NFKB1: variants seen among roughly 807,000 people sequenced by gnomAD.
NFKB1 encodes nuclear factor kappa B subunit 1, also known as nuclear factor NF-kappa-B p105 subunit.
NFKB1 carries 9 observed loss-of-function variants against 105.1 expected under a neutral mutation model. The ratio of observed to expected loss-of-function variants is 0.09; its 90% CI spans 0.05 to 0.15. The LOEUF is 0.15. NFKB1 is among the 10% of genes least tolerant of loss of function. The pLI is 1.00. For missense variants in NFKB1, 830 were observed against 1,203.7 expected (o/e 0.69, Z 4.59); for synonymous variants, 440 against 442.2 (o/e 1.00, Z 0.06).
chr4:102,527,571 T>C (rs921619228), intron 2 of NFKB1, among the ~76,000 whole-genome samples: 12 of 152,214 alleles, frequency 7.9e-5, no homozygotes, highest in African/African-American at 2.7e-4. Flanking sequence ...CTTCGGGTGA[T>C]ATTCTGATTG....
chr4:102,539,846 C>T (rs1741885095), intron 5 of NFKB1, among the ~76,000 whole-genome samples: 1 of 151,980 alleles, frequency 6.6e-6, no homozygotes, highest in South Asian at 2.1e-4. Context: ...ATTTGGGGTA[C>T]TGGGGGCAGG....
intron 11 of NFKB1, 119 bp downstream of exon 11, chr4:102,584,939 T>C: frequency 1.1e-6 from 1 of 889,974 alleles, no homozygotes; most frequent in Non-Finnish European, 1.7e-6. Context: ...TGGAGTGCAA[T>C]GGTGCAATCA....
intron 2 of NFKB1, among the ~76,000 whole-genome samples, chr4:102,529,512 G>T (rs1174529849): frequency 2.0e-5 from 3 of 152,178 alleles, no homozygotes; most frequent in African/African-American, 7.2e-5. Flanking sequence ...TATCTGTTCT[G>T]TGATAAGCAT....
At chr4:102,590,020 T>C (rs1403988709) in intron 11 of NFKB1, among the ~76,000 whole-genome samples, 1 of 152,204 alleles carries the variant, frequency 6.6e-6, no homozygotes, top group Non-Finnish European at 1.5e-5. Flanking sequence ...AGGGCATCAC[T>C]GTATTGTAGT....
At chr4:102,566,850 A>T (rs1723914156) in intron 5 of NFKB1, 137 bp from the exon 6 acceptor site, 1 of 785,844 alleles carries the variant, frequency 1.3e-6, no homozygotes. Flanking sequence ...ACTTTTAAAA[A>T]CAGGGCTGTA....
At chr4:102,507,484 TAG>T (rs1271252035) in intron 1 of NFKB1, among the ~76,000 whole-genome samples, 2 of 152,090 alleles carry the variant, frequency 1.3e-5, no homozygotes, top group African/African-American at 2.4e-5. Context: ...TTTTTTTCAG[TAG>T]AGATGGGATT....
intron 19 of NFKB1, 42 bp from the exon 20 acceptor site, chr4:102,610,533 A>G (rs1337665026): frequency 6.3e-7 from 1 of 1,594,476 alleles, no homozygotes; most frequent in African/African-American, 1.3e-5. Flanking sequence ...GGAAGTTGAC[A>G]AGATCTGGGT....
At chr4:102,575,592 G>A (rs1307557324) in intron 6 of NFKB1, among the ~76,000 whole-genome samples, 1 of 152,048 alleles carries the variant, frequency 6.6e-6, no homozygotes, top group Non-Finnish European at 1.5e-5. Context: ...CACCGGCGTG[G>A]TCCTACCGCA....
At chr4:102,531,724 T>G (rs1457234620) in intron 3 of NFKB1, among the ~76,000 whole-genome samples, 2 of 152,210 alleles carry the variant, frequency 1.3e-5, no homozygotes, top group Non-Finnish European at 2.9e-5. Context: ...TTTAATGTGT[T>G]GCCTGAAAGA....
At chr4:102,600,100 A>T (rs555710761) in intron 15 of NFKB1, among the ~76,000 whole-genome samples, 1 of 152,310 alleles carries the variant, frequency 6.6e-6, no homozygotes, top group South Asian at 2.1e-4. Context: ...TGTGTAGAAA[A>T]CTGCAGTTGC....
At chr4:102,595,071 A>G in intron 13 of NFKB1, 90 bp downstream of exon 13, 2 of 754,334 alleles carry the variant, frequency 2.7e-6, no homozygotes, top group Non-Finnish European at 4.4e-6. Context: ...TCACAACAGT[A>G]TTATCATCTT....
At chr4:102,535,557 G>C (rs949486664) in intron 4 of NFKB1, among the ~76,000 whole-genome samples, 1 of 152,128 alleles carries the variant, frequency 6.6e-6, no homozygotes, top group African/African-American at 2.4e-5. Flanking sequence ...TGCCTTTGAG[G>C]TTGATGACTC....
intron 1 of NFKB1, among the ~76,000 whole-genome samples, chr4:102,502,388 G>GCA (rs1302710749): frequency 1.6e-3 from 159 of 96,800 alleles, no homozygotes; most frequent in African/African-American, 3.5e-3. Context: ...GCGCGCGCGC[G>GCA]CGCACACACA....
intron 15 of NFKB1, among the ~76,000 whole-genome samples, chr4:102,599,627 G>T (rs977925079): frequency 1.3e-5 from 2 of 152,120 alleles, no homozygotes; most frequent in African/African-American, 4.8e-5. Flanking sequence ...ATTGCTTAAG[G>T]GATTAAGAGA....
At chr4:102,565,681 C>G (rs1233992917) in intron 5 of NFKB1, among the ~76,000 whole-genome samples, 3 of 151,988 alleles carry the variant, frequency 2.0e-5, no homozygotes, top group Non-Finnish European at 2.9e-5. Flanking sequence ...CTCCCTCTCT[C>G]CCTCCCTCCC....
intron 1 of NFKB1, among the ~76,000 whole-genome samples, chr4:102,510,567 A>G (rs1000200439): frequency 4.6e-5 from 7 of 152,212 alleles, no homozygotes; most frequent in African/African-American, 9.6e-5. Flanking sequence ...TACCAAGCCA[A>G]TTCTTGATTA....
At chr4:102,545,563 A>G (rs1722068969) in intron 5 of NFKB1, among the ~76,000 whole-genome samples, 1 of 152,220 alleles carries the variant, frequency 6.6e-6, no homozygotes, top group South Asian at 2.1e-4. Context: ...TTCATGCCAT[A>G]TGGTTTAAGG....
intron 18 of NFKB1, 150 bp downstream of exon 18, chr4:102,607,469 A>T: frequency 8.9e-7 from 1 of 1,117,868 alleles, no homozygotes; most frequent in Non-Finnish European, 1.3e-6. Context: ...TACCACCTTT[A>T]GACATTCCCC....
At chr4:102,522,825 T>G (rs1740655527) in intron 1 of NFKB1, among the ~76,000 whole-genome samples, 1 of 152,202 alleles carries the variant, frequency 6.6e-6, no homozygotes, top group African/African-American at 2.4e-5. Flanking sequence ...TTCTGTGGTA[T>G]TCTAAGGATA....
Sources: allele counts gnomAD v4.1 joint callset (sites outside exome capture counted in the v4.1 genomes callset), GRCh38; gene constraint gnomAD v4.1.1; transcripts MANE v1.5; gene names NCBI Gene and HGNC (gene_info 2026-07-23, HGNC 2026-07-21).